Variants in MTCL2 observed in about 807,000 individuals in gnomAD.
MTCL2 encodes microtubule crosslinking factor 2, also known as microtubule cross-linking factor 2.
chr20:36,809,070 A>G, the MTCL2 span, among the ~76,000 whole-genome samples: 1 of 152,222 alleles, frequency 6.6e-6, no homozygotes, highest in Non-Finnish European at 1.5e-5. Flanking sequence ...CGATGATAGC[A>G]GGGAGGGGTG....
the MTCL2 span, chr20:36,863,008 G>A: frequency 2.9e-6 from 4 of 1,400,868 alleles, no homozygotes; most frequent in Non-Finnish European, 2.8e-6. This position sits in a 1 kb window ranked among gnomAD's most constrained non-coding sequence, Gnocchi z 6.2. Context: ...AGGCTGGGGG[G>A]CGGCGGTGGC....
At chr20:36,785,227 T>A in the MTCL2 span, 1 of 985,292 alleles carries the variant, frequency 1.0e-6, no homozygotes, top group Non-Finnish European at 1.2e-6. Flanking sequence ...AGGCCAGGTC[T>A]CCAAACCTGG....
chr20:36,804,484 C>T, the MTCL2 span, among the ~76,000 whole-genome samples: 1 of 152,162 alleles, frequency 6.6e-6, no homozygotes, highest in African/African-American at 2.4e-5. Context: ...GGATGTGCAC[C>T]AGCCTCACCT....
chr20:36,794,932 C>CA, the MTCL2 span, among the ~76,000 whole-genome samples: 3 of 147,282 alleles, frequency 2.0e-5, no homozygotes, highest in Non-Finnish European at 4.5e-5. The surrounding 1 kb of genome is among the most constrained non-coding windows in gnomAD (Gnocchi z 5.4). Context: ...CCAAACCTGG[C>CA]TTTTTTTTTT....
the MTCL2 span, chr20:36,804,800 G>A: frequency 1.2e-6 from 2 of 1,613,990 alleles, no homozygotes; most frequent in Non-Finnish European, 1.7e-6. Context: ...TTGGCAAACT[G>A]TTGCTGAAGC....
the MTCL2 span, among the ~76,000 whole-genome samples, chr20:36,801,732 G>C: frequency 3.9e-5 from 6 of 152,274 alleles, 1 homozygote; most frequent in South Asian, 1.2e-3. Context: ...TTGGAAGACC[G>C]AGGCGGGCGG....
the MTCL2 span, among the ~76,000 whole-genome samples, chr20:36,787,176 C>T: frequency 6.6e-6 from 1 of 151,912 alleles, no homozygotes; most frequent in African/African-American, 2.4e-5. Context: ...TTTAGTGTCT[C>T]TGTACCATTT....
the MTCL2 span, chr20:36,808,674 T>TC: frequency 6.2e-7 from 1 of 1,611,658 alleles, no homozygotes; most frequent in South Asian, 1.1e-5. Flanking sequence ...TGCTCCAGCC[T>TC]CCGCTGGAGG....
the MTCL2 span, among the ~76,000 whole-genome samples, chr20:36,862,363 C>G: frequency 6.5e-3 from 996 of 152,322 alleles, 15 homozygotes; most frequent in East Asian, 0.053. Context: ...GCTACCCACC[C>G]CCACCTCAGC....
chr20:36,805,759 A>C, the MTCL2 span: 1 of 1,126,518 alleles, frequency 8.9e-7, no homozygotes, highest in South Asian at 1.7e-5. Flanking sequence ...TTCAATGTCC[A>C]GGAATGGGGT....
the MTCL2 span, chr20:36,805,038 A>C: frequency 2.2e-6 from 2 of 916,816 alleles, no homozygotes; most frequent in South Asian, 1.7e-5. Flanking sequence ...TCCCTAGGTC[A>C]TCTCACCCAT....
the MTCL2 span, chr20:36,810,213 G>A: frequency 7.4e-7 from 1 of 1,358,590 alleles, no homozygotes; most frequent in Non-Finnish European, 9.9e-7. Flanking sequence ...ATGGGATGTT[G>A]GACCCAAGCT....
the MTCL2 span, chr20:36,808,785 C>T: frequency 6.6e-7 from 1 of 1,516,472 alleles, no homozygotes; most frequent in Non-Finnish European, 8.9e-7. Flanking sequence ...GGGCCCTGTC[C>T]TCTCCCCCAC....
At chr20:36,795,416 T>TAACC in the MTCL2 span, among the ~76,000 whole-genome samples, 1 of 152,208 alleles carries the variant, frequency 6.6e-6, no homozygotes, top group East Asian at 1.9e-4. Context: ...CCTATACACC[T>TAACC]AAAACTGCAT....
At chr20:36,853,708 T>A in the MTCL2 span, among the ~76,000 whole-genome samples, 765 of 59,520 alleles carry the variant, frequency 0.013, 6 homozygotes, top group African/African-American at 0.041. Context: ...GAGGGGTGTG[T>A]GTGTGTGTGT....
chr20:36,839,517 G>T, the MTCL2 span: 1 of 1,386,290 alleles, frequency 7.2e-7, no homozygotes. This position sits in a 1 kb window ranked among gnomAD's most constrained non-coding sequence, Gnocchi z 5.1. Context: ...CCACACCTAG[G>T]ACTGAATGAA....
At chr20:36,786,588 C>T in the MTCL2 span, 74 of 1,550,794 alleles carry the variant, frequency 4.8e-5, no homozygotes, top group Non-Finnish European at 5.8e-5. Flanking sequence ...GCGGGACGAT[C>T]GGGCGAAGCA....
the MTCL2 span, chr20:36,805,754 T>C: frequency 9.3e-7 from 1 of 1,072,636 alleles, no homozygotes; most frequent in Non-Finnish European, 1.3e-6. Context: ...GCAACTTCAA[T>C]GTCCAGGAAT....
the MTCL2 span, among the ~76,000 whole-genome samples, chr20:36,845,025 AAG>A: frequency 8.2e-4 from 109 of 132,374 alleles, no homozygotes; most frequent in East Asian, 9.7e-3. Context: ...AAAAAAAAAA[AAG>A]AAGAAGAAGA....
Sources: allele counts gnomAD v4.1 joint callset (sites outside exome capture counted in the v4.1 genomes callset), GRCh38; gene constraint gnomAD v4.1.1; non-coding constraint Gnocchi (gnomAD v3.1); transcripts MANE v1.5; gene names NCBI Gene and HGNC (gene_info 2026-07-23, HGNC 2026-07-21).